PRDM15: variants seen among roughly 807,000 people sequenced by gnomAD.
The protein encoded by PRDM15 is PR/SET domain 15, also known as PR domain zinc finger protein 15.
In PRDM15, 64 loss-of-function variants were observed where a neutral mutation model predicts 128.6. The ratio of observed to expected loss-of-function variants is 0.50; its 90% CI spans 0.41 to 0.61. The LOEUF is 0.61. PRDM15 is among the 20% of genes least tolerant of loss of function. The pLI, the probability that PRDM15 is intolerant of heterozygous loss-of-function variation, is 0.00. For synonymous variants in PRDM15, 615 were observed against 621.8 expected (o/e 0.99, Z 0.16); for missense variants, 1,242 against 1,569.1 (o/e 0.79, Z 3.52).
chr21:41,828,234 C>T lies in PRDM15; in HGVS notation c.1466G>A (p.Cys489Tyr). Residue 489 changes from cysteine to tyrosine, a missense_variant, in exon 12 of 24, where the codon TGT (cysteine) becomes TAT (tyrosine). By Grantham distance (194) the Cys-to-Tyr change is radical (BLOSUM62 -2). This residue lies in a region of PRDM15 where 612 missense variants were observed against 717.0 expected (regional missense o/e 0.85). Coordinates refer to ENST00000398548, the MANE Select transcript of PRDM15 (RefSeq NM_001040424.3). The surrounding 1 kb of genome is among the most constrained non-coding windows in gnomAD (Gnocchi z 5.7). Reference sequence around the variant, plus strand: ...GTAGAACATCTTGCTGCAGACCTCACAGGCAAACTTCTTGTCGCCGTGCTT... The same window carrying T: ...GTAGAACATCTTGCTGCAGACCTCATAGGCAAACTTCTTGTCGCCGTGCTT... The part of the protein sequence containing the change: ...KKKHGDKKFA[C>Y]EVCSKMFYRK... The T allele has an allele frequency of 6.2e-7, 1 of 1,614,106 alleles. No individual in the cohort carries two copies. Among genetic ancestry groups the T allele is most frequent in the Non-Finnish European group, 8.5e-7 (1 of 1,179,992 alleles).
chr21:41,879,336 C>T lies in PRDM15; in HGVS notation c.-76G>A, dbSNP rs1300454830. The T allele has an allele frequency of 2.7e-6, 3 of 1,096,370 alleles. No individual in the cohort carries two copies. The highest frequency in any genetic ancestry group is 3.9e-5 in the Admixed American group (1 of 25,436). 67.9% of individuals were successfully genotyped at this position (1,096,370 alleles called of 1,614,324 possible). ...GGGTTGCGATCCGCTCCGGAAACTG[C>T]GCAGCACCGGAAGCCGGGGGGCGGC... On this transcript the variant is annotated 5_prime_UTR_variant, in exon 1 of 24. Transcript: ENST00000398548. The surrounding 1 kb of genome is among the most constrained non-coding windows in gnomAD (Gnocchi z 5.1).
Position 41,836,138 on chromosome 21 carries a change from A to G in PRDM15, c.1253T>C (p.Val418Ala). 1 of 1,613,868 alleles carries G rather than the reference A, an allele frequency of 6.2e-7. No homozygotes were observed. The highest frequency in any genetic ancestry group is 8.5e-7 in the Non-Finnish European group (1 of 1,179,958). The change falls in exon 10 of 24, where the codon GTT becomes GCT. Residue 418 changes from valine (V) to alanine (A), a missense_variant. Transcript: ENST00000398548. ...CTCGTTCCTGCTGTGCTTGTAGGAA[A>G]CGTGCTGCTTTAGGCTCTCTTTGCG... ...FSRKESLKQH[V>A]SYKHSRNEVD...
intron 6 of PRDM15, among the ~76,000 whole-genome samples, chr21:41,845,403 C>T (rs1189755958): frequency 6.7e-6 from 1 of 150,312 alleles, no homozygotes; most frequent in Non-Finnish European, 1.5e-5. Context: ...GCTCTGCTTT[C>T]CACTTCTAGG....
intron 1 of PRDM15, chr21:41,871,452 G>T (rs1414087535): frequency 3.3e-6 from 5 of 1,520,748 alleles, no homozygotes; most frequent in Admixed American, 1.9e-5. Context: ...GGCTGTCCCT[G>T]TCTGGGCCCA....
chr21:41,837,245 T>G (rs2062924943), intron 8 of PRDM15, among the ~76,000 whole-genome samples: 1 of 152,216 alleles, frequency 6.6e-6, no homozygotes, highest in East Asian at 1.9e-4. Flanking sequence ...AGCTGTTATA[T>G]TTACTGAAAT....
rs1348537337 is a variant in PRDM15, at chr21:41,810,253, G to A, written c.2553C>T (p.Leu851=). The A allele has an allele frequency of 6.2e-7, 1 of 1,613,358 alleles. No individual in the cohort carries two copies. Among genetic ancestry groups the A allele is most frequent in the Non-Finnish European group, 8.5e-7 (1 of 1,179,912 alleles). ...TCTGCGCCTCCACCTTGTCGTGTGT[G>A]AGCTGAACGTGCTTCTGCAGCATGT... ...TEYMLQKHVQ[L]THDKVEAQSC... Residue 851 remains leucine, a synonymous_variant, in exon 21 of 24, where the codon CTC becomes CTT. Coordinates refer to ENST00000398548, the MANE Select transcript of PRDM15 (RefSeq NM_001040424.3). The surrounding 1 kb of genome is among the most constrained non-coding windows in gnomAD (Gnocchi z 6.4).
At chr21:41,839,360 T>C (rs1257346243) in intron 7 of PRDM15, among the ~76,000 whole-genome samples, 1 of 152,260 alleles carries the variant, frequency 6.6e-6, no homozygotes, top group Non-Finnish European at 1.5e-5. Flanking sequence ...TCCTCTACCC[T>C]GACGGGGGTG....
chr21:41,857,126 C>T lies in PRDM15; in HGVS notation c.285+50G>A, dbSNP rs139500530. On this transcript the variant is annotated intron_variant, in intron 4 of 23. Transcript: ENST00000398548. ...CTTGCTCCCCATTCCCACATGGGAA[C>T]GCCAGAAAAACACCCAGTTCCTGAG... The T allele has an allele frequency of 4.1e-4, 641 of 1,555,266 alleles. 4 individuals are homozygous for T. The African/African-American group carries it at 7.3e-3, about 18-fold the overall frequency.
Position 41,801,356 on chromosome 21 carries a change from G to A in PRDM15, c.3310C>T (p.Arg1104Trp), listed in dbSNP as rs1461376616. ...QLSDQHPLTW[R>W]AVPQTDVLPP... is the part of the protein sequence containing the mutation. The stretch of plus-strand genomic sequence containing the variant: ...AAGACGTCAGTCTGGGGCACTGCCC[G>A]CCACGTGAGCGGGTGCTGGTCACTA... The change falls in exon 24 of 24, where the codon CGG becomes TGG. Residue 1104 changes from arginine to tryptophan, a missense_variant. Physicochemically the swap from Arg to Trp is moderately radical, Grantham distance 101. Around this residue, in one of 3 missense-constraint regions of PRDM15, gnomAD observed 602 missense variants for 788.3 expected, o/e 0.76. Transcript: ENST00000398548. 2 of 1,605,994 alleles carry A rather than the reference G, an allele frequency of 1.2e-6. No homozygotes were observed. The highest frequency in any genetic ancestry group is 1.7e-6 in the Non-Finnish European group (2 of 1,174,374).
chr21:41,859,591 C>G lies in PRDM15; in HGVS notation c.131+1G>C. 1 of 1,613,752 alleles carries G rather than the reference C, an allele frequency of 6.2e-7. No homozygotes were observed. Among genetic ancestry groups the G allele is most frequent in the Non-Finnish European group, 8.5e-7 (1 of 1,179,786 alleles). On this transcript the variant is annotated splice_donor_variant, in intron 3 of 23. Coordinates refer to ENST00000398548, the MANE Select transcript of PRDM15 (RefSeq NM_001040424.3). LOFTEE classifies it high-confidence loss of function. The surrounding 1 kb of genome is among the most constrained non-coding windows in gnomAD (Gnocchi z 5.3). ...CCCGGGAGCTCACGGCGGTCACTCA[C>G]CTTGCCCTGCTTAACACAAAGGAGT... is the stretch of plus-strand genomic sequence containing the variant.
intron 1 of PRDM15, chr21:41,878,773 CG>C: frequency 1.4e-6 from 2 of 1,450,006 alleles, no homozygotes; most frequent in South Asian, 1.3e-5. Flanking sequence ...TACCCGAGGG[CG>C]GGGGATAACG....
At chr21:41,847,340 C>A in intron 5 of PRDM15, 149 bp from the exon 6 acceptor site, 1 of 587,378 alleles carries the variant, frequency 1.7e-6, no homozygotes, top group Middle Eastern at 3.6e-4. Context: ...CTCCACATGA[C>A]AGACACCATT....
intron 21 of PRDM15, among the ~76,000 whole-genome samples, chr21:41,809,663 C>G (rs2061797646): frequency 6.6e-6 from 1 of 152,132 alleles, no homozygotes; most frequent in Admixed American, 6.5e-5. Flanking sequence ...ACTAAGTTTT[C>G]CTCTGGTTTT....
chr21:41,819,686 G>T lies in PRDM15; in HGVS notation c.2156C>A (p.Ala719Asp). 1.9e-6 allele frequency: 3 copies of T among 1,604,244 alleles called. No individual in the cohort carries two copies. Among genetic ancestry groups the T allele is most frequent in the Non-Finnish European group, 2.5e-6 (3 of 1,177,838 alleles). The change falls in exon 18 of 24, where the codon GCC (alanine) becomes GAC (aspartate). Residue 719 changes from alanine to aspartate, a missense_variant. By Grantham distance (126) the Ala-to-Asp change is moderately radical. Around this residue, in one of 3 missense-constraint regions of PRDM15, gnomAD observed 602 missense variants for 788.3 expected, o/e 0.76. Transcript: ENST00000398548. ...AAAGGACTTCCCACACTGCTCGCAG[G>T]CGTGGCTCTTCACACCTGAGAACAC... is the stretch of plus-strand genomic sequence containing the variant. ...KLIHTGVKSH[A>D]CEQCGKSFAR...
chr21:41,838,171 G>C, intron 7 of PRDM15, 108 bp from the exon 8 acceptor site: 2 of 1,203,066 alleles, frequency 1.7e-6, no homozygotes, highest in Non-Finnish European at 2.4e-6. Flanking sequence ...GGCCAGAATG[G>C]TAGGCACAAA....
intron 6 of PRDM15, among the ~76,000 whole-genome samples, chr21:41,840,969 T>A (rs7278844): frequency 6.6e-6 from 1 of 152,012 alleles, no homozygotes; most frequent in Non-Finnish European, 1.5e-5. Flanking sequence ...CTGCAAAGAT[T>A]ACCCAGAATG....
At chr21:41,870,464 CAG>C (rs1461054023) in intron 1 of PRDM15, among the ~76,000 whole-genome samples, 1 of 152,114 alleles carries the variant, frequency 6.6e-6, no homozygotes, top group Non-Finnish European at 1.5e-5. Flanking sequence ...TAAAAGCACT[CAG>C]GGAAAACCCA....
intron 6 of PRDM15, 147 bp from the exon 7 acceptor site, chr21:41,840,000 A>G: frequency 1.5e-6 from 1 of 655,272 alleles, no homozygotes; most frequent in Non-Finnish European, 2.6e-6. Flanking sequence ...CTACTGTTTT[A>G]TTTCCTCTGC....
Position 41,810,168 on chromosome 21 carries a change from G to C in PRDM15, c.2638C>G (p.Arg880Gly). Residue 880 changes from arginine to glycine, a missense_variant, in exon 21 of 24, where the codon CGC (arginine) becomes GGC (glycine). Physicochemically the swap from Arg to Gly is moderately radical, Grantham distance 125 (BLOSUM62 -2). Transcript: ENST00000398548. This position sits in a 1 kb window ranked among gnomAD's most constrained non-coding sequence, Gnocchi z 6.4. ...TRASMSRHMR[R>G]KHPEVLAVRI... ...CACCAGCTCACCTCGGGGTGCTTGC[G>C]CCGCATGTGTCGGCTCATGGAGGCC... 1 of 1,608,912 alleles carries C rather than the reference G, an allele frequency of 6.2e-7. No homozygotes were observed.
Sources: gnomAD v4.1 joint callset for allele counts (sites outside exome capture counted in the v4.1 genomes callset) on GRCh38, gnomAD v4.1.1 for gene constraint, gnomAD v4.1.1 regional missense constraint, Gnocchi (gnomAD v3.1) non-coding constraint, MANE v1.5 for transcripts, NCBI Gene and HGNC (gene_info 2026-07-23, HGNC 2026-07-21) for gene names.